Variants in CPM observed in about 807,000 individuals in gnomAD.
CPM encodes carboxypeptidase M, also known as renal carboxypeptidase.
CPM carries 35 observed loss-of-function variants against 46.4 expected under a neutral mutation model. The ratio of observed to expected loss-of-function variants is 0.75; its 90% CI spans 0.58 to 1.00. The LOEUF is 1.00. CPM is among the 50% of genes least tolerant of loss of function. The pLI, the probability that CPM is intolerant of heterozygous loss-of-function variation, is 0.00. For missense variants in CPM, 422 were observed against 530.4 expected, an observed-to-expected ratio of 0.80 and a Z score of 2.01; for synonymous variants, 195 against 195.3, an observed-to-expected ratio of 1.00 and a Z score of 0.01.
intron 2 of CPM, among the ~76,000 whole-genome samples, chr12:68,916,261 G>T (rs1001967358): frequency 6.6e-6 from 1 of 151,936 alleles, no homozygotes; most frequent in African/African-American, 2.4e-5. Context: ...GGCATTCATA[G>T]AATTTGTCTC....
At chr12:68,938,027 GT>G (rs1888699359), upstream of CPM, among the ~76,000 whole-genome samples, 2 of 152,276 alleles carry the variant, frequency 1.3e-5, no homozygotes, top group African/African-American at 4.8e-5. Flanking sequence ...GATTGGTTCT[GT>G]TTAAGGACTC....
chr12:68,882,822 G>C (rs1032630746), intron 3 of CPM, among the ~76,000 whole-genome samples: 2 of 152,016 alleles, frequency 1.3e-5, no homozygotes, highest in African/African-American at 4.8e-5. Context: ...AGTGTTGTTA[G>C]ACACTTTTTC....
chr12:68,882,445 TGTTTTCTTTACCCA>T (rs1886238500), intron 3 of CPM, among the ~76,000 whole-genome samples: 1 of 152,204 alleles, frequency 6.6e-6, no homozygotes, highest in African/African-American at 2.4e-5. Context: ...ATATGTACCA[TGTTTTCTTTACCCA>T]GTCTACCATT....
intron 1 of CPM, among the ~76,000 whole-genome samples, chr12:68,961,968 AG>A (rs1889122880): frequency 1.3e-5 from 2 of 152,320 alleles, no homozygotes; most frequent in South Asian, 4.1e-4. Flanking sequence ...TGGGAGGCCA[AG>A]GCGGGCGGAT....
chr12:68,876,570 G>C (rs1391784135), intron 3 of CPM, among the ~76,000 whole-genome samples: 1 of 152,216 alleles, frequency 6.6e-6, no homozygotes, highest in East Asian at 1.9e-4. Context: ...CACCCAGCAT[G>C]CTGGCTTCCT....
chr12:68,885,953 G>A, intron 2 of CPM, 64 bp from the exon 3 acceptor site: 1 of 1,407,018 alleles, frequency 7.1e-7, no homozygotes, highest in Non-Finnish European at 1.0e-6. Context: ...AATGAACTCT[G>A]GTAAGACTAG....
At chr12:68,933,286 G>T (rs1381873922), upstream of CPM, 2 of 151,632 alleles carry the variant, frequency 1.3e-5, no homozygotes, top group Non-Finnish European at 2.9e-5. Context: ...CCTCCCGGGC[G>T]GGGCCTCAGC....
chr12:68,899,998 G>A lies in CPM; in HGVS notation c.161-14109C>T, dbSNP rs907342379. ...TGGTGGATGTATATGAATAATGTGT[G>A]AGTGCTTATTTTACTATTTTTGTAT... On this transcript the variant is annotated intron_variant, in intron 2 of 8. Coordinates refer to ENST00000551568, the MANE Select transcript of CPM (RefSeq NM_198320.5). Among the ~76,000 whole-genome samples the A allele has an allele frequency of 2.0e-5, 3 of 152,136 alleles. No individual in the cohort carries two copies. In the East Asian group the frequency reaches 5.8e-4, roughly 29 times the overall value.
chr12:68,911,374 A>G (rs1468739487), intron 2 of CPM, among the ~76,000 whole-genome samples: 3 of 152,226 alleles, frequency 2.0e-5, no homozygotes, highest in Non-Finnish European at 4.4e-5. Context: ...CTGCGGCTGG[A>G]GCCAAGCTCT....
intron 2 of CPM, among the ~76,000 whole-genome samples, chr12:68,903,249 G>C (rs978893439): frequency 3.3e-5 from 5 of 152,214 alleles, no homozygotes; most frequent in African/African-American, 1.2e-4. Context: ...GAAGACAGTA[G>C]CTTTAAAAAA....
chr12:68,876,915 T>A (rs1052956239), intron 3 of CPM, among the ~76,000 whole-genome samples: 45 of 146,622 alleles, frequency 3.1e-4, no homozygotes, highest in Middle Eastern at 3.4e-3. Context: ...TGTGTGTGTG[T>A]GTGTGAGAGA....
intron 2 of CPM, among the ~76,000 whole-genome samples, chr12:68,912,156 C>A (rs1193620650): frequency 6.6e-6 from 1 of 152,094 alleles, no homozygotes; most frequent in Non-Finnish European, 1.5e-5. Flanking sequence ...TACAGGCATG[C>A]GCCAACACAC....
At chr12:68,905,298 T>A (rs1377193252) in intron 2 of CPM, among the ~76,000 whole-genome samples, 1 of 151,798 alleles carries the variant, frequency 6.6e-6, no homozygotes. Context: ...CTCTCTTTTT[T>A]TAAACAGGGT....
At chr12:68,948,392 A>T (rs1888881183) in intron 1 of CPM, among the ~76,000 whole-genome samples, 2 of 152,172 alleles carry the variant, frequency 1.3e-5, no homozygotes, top group South Asian at 2.1e-4. Context: ...AGAGACTGAC[A>T]TGAAAAAGTA....
rs1474484225 is a variant in CPM at position 68,932,848 on chromosome 12, T to C, written c.-3-8A>G. The C allele has an allele frequency of 1.2e-6, 2 of 1,612,094 alleles. No homozygotes were observed. The highest frequency in any genetic ancestry group is 2.2e-5 in the East Asian group (1 of 44,800). The stretch of plus-strand genomic sequence containing the variant: ...GCACGGGAAGTCCATGTTCTAGAGA[T>C]GAATAAAAATAAGAAGAACCTGAGA... On this transcript the variant is annotated splice_polypyrimidine_tract_variant and splice_region_variant and intron_variant, in intron 1 of 8. Transcript: ENST00000551568.
At chr12:68,928,745 T>C (rs1471929128) in intron 2 of CPM, among the ~76,000 whole-genome samples, 1 of 150,522 alleles carries the variant, frequency 6.6e-6, no homozygotes, top group East Asian at 1.9e-4. Context: ...CAAGATACTT[T>C]TTTTTTTTTT....
intron 3 of CPM, 110 bp from the exon 4 acceptor site, chr12:68,872,066 C>A (rs1213525659): frequency 9.2e-7 from 1 of 1,083,016 alleles, no homozygotes; most frequent in Admixed American, 2.4e-5. Flanking sequence ...ATATCTCAGA[C>A]CCAAACTAGT....
Position 68,876,896 on chromosome 12 carries a change from G to A in CPM, c.259-4940C>T, listed in dbSNP as rs926446735. Among the ~76,000 whole-genome samples the A allele has an allele frequency of 3.1e-3, 364 of 117,610 alleles. 2 individuals are homozygous for A. Among genetic ancestry groups the A allele is most frequent in the African/African-American group, 0.016 (321 of 20,336 alleles). The allele number at this position is 117,610 out of a possible 152,430, so 77.2% of individuals were successfully genotyped here. A position where few individuals can be genotyped will look rare whatever the true frequency, so the allele number is the denominator to read the frequency against. On this transcript the variant is annotated intron_variant, in intron 3 of 8. Transcript: ENST00000551568. Reference sequence around the variant, plus strand: ...TGTGTGTGTGTGCACGCGCATGCGTGTGTGTGTGTGTGTGTGTGTGTGTGA... The same window carrying A: ...TGTGTGTGTGTGCACGCGCATGCGTATGTGTGTGTGTGTGTGTGTGTGTGA...
intron 7 of CPM, among the ~76,000 whole-genome samples, chr12:68,863,921 CAA>C (rs918825213): frequency 1.3e-4 from 20 of 152,314 alleles, no homozygotes; most frequent in African/African-American, 4.6e-4. Flanking sequence ...TCTTCACAAA[CAA>C]AATATTCATT....
Sources: gnomAD v4.1 joint callset for allele counts (sites outside exome capture counted in the v4.1 genomes callset) on GRCh38, gnomAD v4.1.1 for gene constraint, MANE v1.5 for transcripts, NCBI Gene and HGNC (gene_info 2026-07-23, HGNC 2026-07-21) for gene names.